SERINC5: variants seen among roughly 807,000 people sequenced by gnomAD.
SERINC5 encodes the protein chromosome 5 open reading frame 12.
Under a neutral mutation model 63.1 loss-of-function variants are expected in SERINC5, and 41 were observed. The observed-to-expected ratio is 0.65, with a 90% confidence interval of 0.51 to 0.84. SERINC5 has a LOEUF of 0.84. SERINC5 is among the 40% of genes least tolerant of loss of function. The pLI, the probability that SERINC5 is intolerant of heterozygous loss-of-function variation, is 0.00. For synonymous variants in SERINC5, 222 were observed against 215.2 expected, an observed-to-expected ratio of 1.03 and a Z score of -0.28; for missense variants, 523 against 573.0, an observed-to-expected ratio of 0.91 and a Z score of 0.89.
chr5:80,227,543 T>C (rs1384627639), intron 1 of SERINC5, among the ~76,000 whole-genome samples: 2 of 151,332 alleles, frequency 1.3e-5, no homozygotes, highest in African/African-American at 4.9e-5. Context: ...GGTGGATCAC[T>C]TGAAGCCAGG....
intron 2 of SERINC5, among the ~76,000 whole-genome samples, chr5:80,188,083 G>C (rs146493731): frequency 0.011 from 1,643 of 152,108 alleles, 27 homozygotes; most frequent in African/African-American, 0.038. Context: ...AGGAGTTCGA[G>C]ACCAGCCTGG....
At chr5:80,239,467 CTTT>C (rs35238009) in intron 1 of SERINC5, among the ~76,000 whole-genome samples, 217 of 133,920 alleles carry the variant, frequency 1.6e-3, no homozygotes, top group African/African-American at 5.1e-3. Flanking sequence ...CACTGGGATT[CTTT>C]TTTTTTTTTT....
At chr5:80,113,096 C>G (rs1744186353) in intron 12 of SERINC5, among the ~76,000 whole-genome samples, 1 of 152,050 alleles carries the variant, frequency 6.6e-6, no homozygotes, top group Non-Finnish European at 1.5e-5. Context: ...TAATTTTATT[C>G]TGGCCATGTT....
intron 1 of SERINC5, among the ~76,000 whole-genome samples, chr5:80,238,580 T>A (rs1751811223): frequency 6.6e-6 from 1 of 152,018 alleles, no homozygotes; most frequent in Non-Finnish European, 1.5e-5. Context: ...GGTCAGGAGT[T>A]CCAGACCAGC....
intron 2 of SERINC5, among the ~76,000 whole-genome samples, chr5:80,191,153 C>T (rs1365522015): frequency 7.1e-6 from 1 of 139,926 alleles, no homozygotes; most frequent in African/African-American, 2.6e-5. Flanking sequence ...GTGAGTCTGC[C>T]TAATAAGGAA....
chr5:80,235,620 C>G (rs1399873315), intron 1 of SERINC5, among the ~76,000 whole-genome samples: 1 of 152,002 alleles, frequency 6.6e-6, no homozygotes. Context: ...GTTTTTGAGA[C>G]AAGTCTTGCT....
chr5:80,244,920 C>A (rs1752105587), intron 1 of SERINC5, among the ~76,000 whole-genome samples: 2 of 152,140 alleles, frequency 1.3e-5, no homozygotes. Context: ...ACCTCCTGGG[C>A]TCAAGCGATC....
chr5:80,244,309 A>G (rs1752073514), intron 1 of SERINC5, among the ~76,000 whole-genome samples: 1 of 150,864 alleles, frequency 6.6e-6, no homozygotes, highest in African/African-American at 2.4e-5. Context: ...TCTGCCTCTC[A>G]GGTTTAAGCG....
At chr5:80,133,080 G>C (rs4704615) in intron 11 of SERINC5, among the ~76,000 whole-genome samples, 38,715 of 151,922 alleles carry the variant, frequency 0.25, 5,760 homozygotes, top group Admixed American at 0.35. Context: ...CATGAGATCT[G>C]GTTGTGTGTG....
At chr5:80,143,978 A>C in intron 11 of SERINC5, 168 bp from the exon 12 acceptor site, 1 of 808,528 alleles carries the variant, frequency 1.2e-6, no homozygotes, top group Non-Finnish European at 1.9e-6. Context: ...ATCACCCCCA[A>C]AAGAAATCAT....
intron 2 of SERINC5, 129 bp downstream of exon 2, chr5:80,202,757 A>G: frequency 1.3e-6 from 1 of 776,310 alleles, no homozygotes; most frequent in Admixed American, 3.0e-5. Flanking sequence ...GGCTTCAGGA[A>G]GGTTCAAGGA....
intron 1 of SERINC5, among the ~76,000 whole-genome samples, chr5:80,229,131 C>G (rs190863031): frequency 2.2e-5 from 3 of 139,460 alleles, no homozygotes; most frequent in Non-Finnish European, 4.5e-5. Flanking sequence ...TCAAGCGATT[C>G]TTGTGCCTCA....
chr5:80,208,590 G>A (rs958924534), intron 1 of SERINC5, among the ~76,000 whole-genome samples: 1 of 152,072 alleles, frequency 6.6e-6, no homozygotes, highest in South Asian at 2.1e-4. Flanking sequence ...CGCAAGCACT[G>A]AATCACAGAG....
At chr5:80,255,788 A>T in intron 1 of SERINC5, 108 bp downstream of exon 1, 1 of 1,214,028 alleles carries the variant, frequency 8.2e-7, no homozygotes, top group Non-Finnish European at 1.2e-6. Context: ...CCCGGGCCCT[A>T]CGTTCGGCCG....
intron 1 of SERINC5, among the ~76,000 whole-genome samples, chr5:80,226,220 C>T (rs1225025761): frequency 2.6e-5 from 4 of 152,136 alleles, no homozygotes; most frequent in African/African-American, 9.7e-5. Context: ...TGATGCCTGG[C>T]TAATTTTTTG....
At chr5:80,255,821 C>G in intron 1 of SERINC5, 75 bp downstream of exon 1, 3 of 1,485,458 alleles carry the variant, frequency 2.0e-6, no homozygotes, top group Non-Finnish European at 2.7e-6. Flanking sequence ...CGCACCCAGG[C>G]AGGTCCTCCA....
intron 1 of SERINC5, among the ~76,000 whole-genome samples, chr5:80,210,952 C>T (rs1270506223): frequency 6.6e-6 from 1 of 152,162 alleles, no homozygotes; most frequent in Admixed American, 6.5e-5. Context: ...AATGTCTCAG[C>T]AGGGAAAGTG....
At chr5:80,239,837 G>A (rs998463712) in intron 1 of SERINC5, among the ~76,000 whole-genome samples, 2 of 152,090 alleles carry the variant, frequency 1.3e-5, no homozygotes, top group African/African-American at 2.4e-5. Flanking sequence ...CCTGCCTCTG[G>A]AGTTGTTTGT....
chr5:80,116,766 T>C (rs935520278), intron 11 of SERINC5, among the ~76,000 whole-genome samples: 3 of 151,644 alleles, frequency 2.0e-5, no homozygotes, highest in Non-Finnish European at 4.4e-5. Flanking sequence ...CTCAGGTTCA[T>C]AGAGCCAGGC....
Sources: gnomAD v4.1 joint callset for allele counts (sites outside exome capture counted in the v4.1 genomes callset) on GRCh38, gnomAD v4.1.1 for gene constraint, MANE v1.5 for transcripts, NCBI Gene and HGNC (gene_info 2026-07-23, HGNC 2026-07-21) for gene names.